Variants in THTPA observed in about 807,000 individuals in gnomAD.
THTPA encodes thiamine-triphosphatase.
Under a neutral mutation model 16.5 loss-of-function variants are expected in THTPA, and 16 were observed. That is an observed-to-expected ratio of 0.97 (90% confidence interval 0.66 to 1.47). The LOEUF is 1.47. Among genes scored for constraint, THTPA ranks in the 40% most tolerant of loss-of-function variants. The pLI is 0.00. For missense variants in THTPA, 281 were observed against 280.9 expected (o/e 1.00, Z 0.00); for synonymous variants, 110 against 115.5 (o/e 0.95, Z 0.30).
At chr14:23,527,901 CTTTTTTTTTTTTTTT>C in the THTPA span, 30 of 448,794 alleles carry the variant, frequency 6.7e-5, no homozygotes, top group Non-Finnish European at 1.1e-4. Context: ...GCCCCCACTC[CTTTTTTTTTTTTTTT>C]TTTTTTTTTA....
Position 23,557,243 on chromosome 14 carries a change from G to A in THTPA, c.486G>A (p.Val162=). 23 of 1,612,464 alleles carry A rather than the reference G, an allele frequency of 1.4e-5. No individual in the cohort carries two copies. Among genetic ancestry groups the A allele is most frequent in the Non-Finnish European group, 1.9e-5 (22 of 1,179,928 alleles). The change falls in exon 1 of 2, where the codon GTG becomes GTA. Residue 162 remains valine, a synonymous_variant. Transcript: ENST00000288014. ...CTGTGGGTGAGGTAGAGGCCCTGGT[G>A]CATGAGGAGGCTGAAGTACCAACTG... The part of the protein sequence containing the change: ...GYAVGEVEAL[V]HEEAEVPTAL...
chr14:23,553,938 C>A (rs761596480), upstream of THTPA, among the ~76,000 whole-genome samples: 1 of 149,686 alleles, frequency 6.7e-6, no homozygotes, highest in Admixed American at 6.7e-5. Flanking sequence ...GTGGCACGTG[C>A]CTGTAGTCCC....
At chr14:23,524,256 G>A in the THTPA span, 1 of 1,536,374 alleles carries the variant, frequency 6.5e-7, no homozygotes. This position sits in a 1 kb window ranked among gnomAD's most constrained non-coding sequence, Gnocchi z 5.6. Flanking sequence ...CGCTTTTTGA[G>A]CCCCACCTCC....
the THTPA span, among the ~76,000 whole-genome samples, chr14:23,518,918 T>A: frequency 6.6e-6 from 1 of 152,162 alleles, no homozygotes; most frequent in African/African-American, 2.4e-5. The surrounding 1 kb of genome is among the most constrained non-coding windows in gnomAD (Gnocchi z 4.5). Context: ...TAAGGACTTC[T>A]GGTGTGAGAA....
At chr14:23,548,736 C>G in the THTPA span, among the ~76,000 whole-genome samples, 1 of 152,176 alleles carries the variant, frequency 6.6e-6, no homozygotes, top group African/African-American at 2.4e-5. Context: ...CTCTCTCTGT[C>G]TCTTCCCTGG....
the THTPA span, among the ~76,000 whole-genome samples, chr14:23,537,240 TTC>T: frequency 4.6e-5 from 7 of 151,960 alleles, no homozygotes; most frequent in African/African-American, 1.5e-4. Flanking sequence ...TTTTTTTTTT[TTC>T]TAAATCAGGA....
chr14:23,530,257 G>A, the THTPA span: 66 of 1,259,950 alleles, frequency 5.2e-5, no homozygotes, highest in Non-Finnish European at 6.8e-5. Flanking sequence ...GAGGACATAG[G>A]ACAGAGGAAG....
chr14:23,559,537 C>T lies in THTPA; in HGVS notation c.*697C>T. On this transcript the variant is annotated 3_prime_UTR_variant, in exon 2 of 2. Transcript: ENST00000288014. Reference sequence around the variant, plus strand: ...TGCTCTTCCCTTGCTGTTATTCATACACACTTTCCACTTCAAATATACCCA... The same window carrying T: ...TGCTCTTCCCTTGCTGTTATTCATATACACTTTCCACTTCAAATATACCCA... 1 of 566,152 alleles carries T rather than the reference C, an allele frequency of 1.8e-6. No homozygotes were observed. The highest frequency in any genetic ancestry group is 3.0e-5 in the Admixed American group (1 of 33,064). The allele number at this position is 566,152 out of a possible 1,614,324, so 35.1% of individuals were successfully genotyped here. A position where few individuals can be genotyped will look rare whatever the true frequency, so the allele number is the denominator to read the frequency against.
chr14:23,517,688 G>A, the THTPA span, among the ~76,000 whole-genome samples: 1 of 151,966 alleles, frequency 6.6e-6, no homozygotes, highest in Admixed American at 6.6e-5. Flanking sequence ...TCCCCATCGG[G>A]TGTGTGTGTG....
the THTPA span, among the ~76,000 whole-genome samples, chr14:23,542,654 T>C: frequency 1.4e-4 from 22 of 152,104 alleles, no homozygotes; most frequent in African/African-American, 4.8e-4. Context: ...CAGGGAGTTG[T>C]CCCCTTAAAT....
the THTPA span, chr14:23,521,622 A>C: frequency 8.3e-6 from 2 of 242,128 alleles, no homozygotes; most frequent in Non-Finnish European, 1.6e-5. Context: ...AGTGAGGAAA[A>C]GGAAGATAGA....
the THTPA span, chr14:23,543,217 A>G: frequency 4.6e-5 from 7 of 152,386 alleles, no homozygotes; most frequent in African/African-American, 1.7e-4. Context: ...CAAGTATCAC[A>G]TCACCTAATC....
the THTPA span, chr14:23,523,129 G>A: frequency 2.1e-6 from 3 of 1,400,096 alleles, no homozygotes; most frequent in Non-Finnish European, 2.8e-6. The surrounding 1 kb of genome is among the most constrained non-coding windows in gnomAD (Gnocchi z 4.1). Flanking sequence ...GAAGAATCAG[G>A]AAGGAAAAGG....
chr14:23,556,926 C>T lies in THTPA; in HGVS notation c.169C>T (p.Arg57Ter). The T allele has an allele frequency of 6.2e-7, 1 of 1,614,080 alleles. No homozygotes were observed. Among genetic ancestry groups the T allele is most frequent in the Non-Finnish European group, 8.5e-7 (1 of 1,180,000 alleles). ...LMQADHWLRR[R>*]EDSGWELKCP... is the part of the protein sequence containing the mutation. ...GCAGGCTGACCACTGGCTGCGACGA[C>T]GAGAGGATAGTGGATGGGAGCTCAA... Residue 57 changes from arginine to a stop codon, truncating the protein, a stop_gained, in exon 1 of 2, where the codon CGA becomes TGA. Transcript: ENST00000288014. LOFTEE classifies it high-confidence loss of function.
chr14:23,534,898 G>A, the THTPA span: 6 of 1,536,038 alleles, frequency 3.9e-6, no homozygotes, highest in African/African-American at 8.2e-5. The surrounding 1 kb of genome is among the most constrained non-coding windows in gnomAD (Gnocchi z 4.5). Flanking sequence ...CTCACCCCAG[G>A]GGAAGCCCTT....
chr14:23,534,464 G>A, the THTPA span: 1 of 1,536,324 alleles, frequency 6.5e-7, no homozygotes, highest in Non-Finnish European at 8.7e-7. The surrounding 1 kb of genome is among the most constrained non-coding windows in gnomAD (Gnocchi z 4.5). Flanking sequence ...AAGCTTATGA[G>A]GGCCTTGCAG....
the THTPA span, among the ~76,000 whole-genome samples, chr14:23,545,095 C>T: frequency 5.9e-5 from 9 of 152,054 alleles, no homozygotes; most frequent in African/African-American, 9.7e-5. Flanking sequence ...CTTTTCCTTC[C>T]CTCTCCCCCG....
chr14:23,529,165 CAG>C, the THTPA span, among the ~76,000 whole-genome samples: 1 of 152,226 alleles, frequency 6.6e-6, no homozygotes, highest in South Asian at 2.1e-4. Context: ...CCTCAGAACA[CAG>C]AGCTGCCATT....
chr14:23,529,992 C>G, the THTPA span: 9 of 1,080,526 alleles, frequency 8.3e-6, no homozygotes, highest in African/African-American at 6.3e-5. Context: ...TCCCTTCCCC[C>G]TGATGAGCCC....
Sources: gnomAD v4.1 joint callset for allele counts (sites outside exome capture counted in the v4.1 genomes callset) on GRCh38, gnomAD v4.1.1 for gene constraint, Gnocchi (gnomAD v3.1) non-coding constraint, MANE v1.5 for transcripts, NCBI Gene and HGNC (gene_info 2026-07-23, HGNC 2026-07-21) for gene names.